TTC28: variants seen among roughly 807,000 people sequenced by gnomAD.
TTC28 encodes the protein tetratricopeptide repeat protein 28.
Under a neutral mutation model 198.0 loss-of-function variants are expected in TTC28, and 61 were observed. The observed-to-expected ratio is 0.31, with a 90% CI of 0.25 to 0.38. The LOEUF (loss-of-function observed/expected upper bound fraction) is 0.38. Ranked by LOEUF, TTC28 falls within the 10% of genes least tolerant of loss-of-function variation. The pLI, the probability that TTC28 is intolerant of heterozygous loss-of-function variation, is 1.00. For synonymous variants in TTC28, 1,171 were observed against 1,297.8 expected (o/e 0.90, Z 2.10); for missense variants, 2,678 against 3,164.0 (o/e 0.85, Z 3.69).
intron 5 of TTC28, among the ~76,000 whole-genome samples, chr22:28,258,757 A>C (rs1931126320): frequency 6.6e-6 from 1 of 152,192 alleles, no homozygotes; most frequent in African/African-American, 2.4e-5. Flanking sequence ...ACAGTGAGGA[A>C]GTATATTATA....
chr22:28,067,834 T>A (rs146520939), intron 12 of TTC28, among the ~76,000 whole-genome samples: 14 of 152,366 alleles, frequency 9.2e-5, no homozygotes, highest in Admixed American at 5.2e-4. Flanking sequence ...CAGAGTTATA[T>A]CACACTAAGT....
intron 1 of TTC28, among the ~76,000 whole-genome samples, chr22:28,657,858 G>A (rs984734042): frequency 3.3e-5 from 5 of 151,950 alleles, no homozygotes; most frequent in Non-Finnish European, 5.9e-5. Context: ...GAACCTGGGC[G>A]GGCAACAGAG....
At chr22:28,178,640 G>C (rs1278700220) in intron 5 of TTC28, among the ~76,000 whole-genome samples, 1 of 152,236 alleles carries the variant, frequency 6.6e-6, no homozygotes, top group African/African-American at 2.4e-5. Context: ...CCTGGGAGCA[G>C]GGGTAGTGGC....
intron 5 of TTC28, among the ~76,000 whole-genome samples, chr22:28,276,366 T>C (rs1932427893): frequency 6.6e-6 from 1 of 152,112 alleles, no homozygotes; most frequent in African/African-American, 2.4e-5. Context: ...ATTGGGATCA[T>C]GAGCTCATGA....
chr22:28,573,794 C>A (rs1238556271), intron 2 of TTC28, among the ~76,000 whole-genome samples: 1 of 152,082 alleles, frequency 6.6e-6, no homozygotes, highest in Non-Finnish European at 1.5e-5. Context: ...AGATCTTACT[C>A]ATTTTATTTA....
chr22:28,037,837 A>G (rs1939431372), intron 12 of TTC28, among the ~76,000 whole-genome samples: 1 of 152,226 alleles, frequency 6.6e-6, no homozygotes, highest in Non-Finnish European at 1.5e-5. Flanking sequence ...ATACAAAATC[A>G]ATGTGTAAAA....
chr22:28,624,955 A>C (rs2051055763), intron 2 of TTC28, among the ~76,000 whole-genome samples: 1 of 152,212 alleles, frequency 6.6e-6, no homozygotes, highest in Admixed American at 6.5e-5. Context: ...AATATCCCCA[A>C]ATAAATCAAT....
chr22:28,231,811 T>C (rs1928825849), intron 5 of TTC28, among the ~76,000 whole-genome samples: 2 of 152,208 alleles, frequency 1.3e-5, no homozygotes, highest in East Asian at 1.9e-4. Context: ...CCAGCTTTGA[T>C]AACAGCAAGA....
At chr22:27,997,823 G>C (rs930494280) in intron 16 of TTC28, 2 of 152,516 alleles carry the variant, frequency 1.3e-5, no homozygotes, top group Non-Finnish European at 2.9e-5. Context: ...GTGAGTCTTG[G>C]CCTGGCAGGG....
At chr22:28,374,861 T>C (rs2046385731) in intron 2 of TTC28, among the ~76,000 whole-genome samples, 1 of 151,784 alleles carries the variant, frequency 6.6e-6, no homozygotes, top group Non-Finnish European at 1.5e-5. Context: ...TTTTTTTTAA[T>C]ATTTTTTTTA....
At chr22:28,436,202 T>C (rs578234544) in intron 2 of TTC28, among the ~76,000 whole-genome samples, 2 of 152,320 alleles carry the variant, frequency 1.3e-5, no homozygotes, top group South Asian at 2.1e-4. Flanking sequence ...TAGAGATAAA[T>C]TTGCAAGCTT....
At chr22:28,637,004 GTTT>G (rs35849354) in intron 1 of TTC28, among the ~76,000 whole-genome samples, 3 of 97,308 alleles carry the variant, frequency 3.1e-5, no homozygotes, top group South Asian at 4.2e-4. Flanking sequence ...CAGGTCTTCA[GTTT>G]TTTTTTTTTT....
At chr22:28,219,385 C>T (rs1927666629) in intron 5 of TTC28, among the ~76,000 whole-genome samples, 1 of 151,552 alleles carries the variant, frequency 6.6e-6, no homozygotes, top group Non-Finnish European at 1.5e-5. Flanking sequence ...GGCAGGCACC[C>T]GTAATCCCAG....
chr22:28,634,277 C>T (rs962011041), intron 1 of TTC28, among the ~76,000 whole-genome samples: 1 of 151,878 alleles, frequency 6.6e-6, no homozygotes, highest in Non-Finnish European at 1.5e-5. Context: ...ACTGGGAGGC[C>T]GAGGCAGGCA....
At chr22:28,337,283 G>A (rs955218980) in intron 2 of TTC28, among the ~76,000 whole-genome samples, 2 of 152,200 alleles carry the variant, frequency 1.3e-5, no homozygotes, top group African/African-American at 4.8e-5. Context: ...TTTGGAATAG[G>A]TGTGGTGTGG....
intron 12 of TTC28, among the ~76,000 whole-genome samples, chr22:28,034,454 C>A (rs1045630961): frequency 2.0e-5 from 3 of 152,338 alleles, no homozygotes; most frequent in African/African-American, 7.2e-5. Context: ...CGATCGATTT[C>A]TCCTTCCCTC....
chr22:28,123,970 G>C lies in TTC28; in HGVS notation c.1442-15567C>G, dbSNP rs544980051. ...TGCACTCCAACCTGGGTGACAGAGC[G>C]AGACTCCATCTCCAAAAAAAGAAAA... On this transcript the variant is annotated intron_variant, in intron 6 of 22. Coordinates refer to ENST00000397906, the MANE Select transcript of TTC28 (RefSeq NM_001145418.2). Among the ~76,000 whole-genome samples, 193 of 152,170 alleles carry C rather than the reference G, an allele frequency of 1.3e-3. 1 individual carries two copies. Among genetic ancestry groups the C allele is most frequent in the Admixed American group, 2.4e-3 (36 of 15,280 alleles).
At chr22:28,032,273 T>TA (rs1569095166) in intron 12 of TTC28, among the ~76,000 whole-genome samples, 3 of 116,996 alleles carry the variant, frequency 2.6e-5, no homozygotes, top group Non-Finnish European at 3.7e-5. Flanking sequence ...ATATAGTGTG[T>TA]GTGTGTGTGT....
chr22:28,156,305 G>T (rs1240661454), intron 6 of TTC28, among the ~76,000 whole-genome samples: 1 of 152,228 alleles, frequency 6.6e-6, no homozygotes, highest in African/African-American at 2.4e-5. Context: ...AGAAGGTGAT[G>T]TGATGACAAA....
Sources: gnomAD v4.1 joint callset for allele counts (sites outside exome capture counted in the v4.1 genomes callset) on GRCh38, gnomAD v4.1.1 for gene constraint, MANE v1.5 for transcripts, NCBI Gene and HGNC (gene_info 2026-07-23, HGNC 2026-07-21) for gene names.